Variants in KIAA1217 observed in about 807,000 individuals in gnomAD.
KIAA1217 encodes sickle tail protein homolog.
In KIAA1217, 88 loss-of-function variants were observed where a neutral mutation model predicts 163.9. The observed-to-expected ratio is 0.54, with a 90% CI of 0.45 to 0.64. The LOEUF (loss-of-function observed/expected upper bound fraction) is 0.64. Ranked by LOEUF, KIAA1217 falls within the 30% of genes least tolerant of loss-of-function variation. The probability of loss-of-function intolerance (pLI) is 0.00; values close to 1 mark genes in which losing one functional copy is unlikely to be tolerated. For synonymous variants in KIAA1217, 903 were observed against 923.1 expected (o/e 0.98, Z 0.39); for missense variants, 2,372 against 2,475.0 (o/e 0.96, Z 0.88).
intron 2 of KIAA1217, among the ~76,000 whole-genome samples, chr10:24,127,791 A>G (rs976587263): frequency 6.6e-6 from 1 of 152,234 alleles, no homozygotes; most frequent in African/African-American, 2.4e-5. Flanking sequence ...CGAATATTGT[A>G]TAACATGACA....
At chr10:23,724,009 G>A (rs746004379) in intron 1 of KIAA1217, among the ~76,000 whole-genome samples, 2 of 152,166 alleles carry the variant, frequency 1.3e-5, no homozygotes, top group Non-Finnish European at 2.9e-5. Context: ...CATGACAGGA[G>A]CAGAGACAAG....
At chr10:24,270,854 T>C (rs2076705338) in intron 2 of KIAA1217, among the ~76,000 whole-genome samples, 1 of 152,214 alleles carries the variant, frequency 6.6e-6, no homozygotes, top group Non-Finnish European at 1.5e-5. Flanking sequence ...GCCAGATTTC[T>C]TTCTTTTGAT....
At chr10:24,518,855 T>C (rs1367213911) in intron 10 of KIAA1217, among the ~76,000 whole-genome samples, 1 of 152,222 alleles carries the variant, frequency 6.6e-6, no homozygotes. Context: ...CCTCTGGTCC[T>C]GAAGTAGCAT....
chr10:24,257,861 C>T (rs907749107), intron 2 of KIAA1217, among the ~76,000 whole-genome samples: 3 of 152,140 alleles, frequency 2.0e-5, no homozygotes, highest in African/African-American at 7.2e-5. Context: ...CCTGATGCTT[C>T]CCCTAGGCCC....
At chr10:24,073,973 A>G (rs931222095) in intron 2 of KIAA1217, among the ~76,000 whole-genome samples, 1 of 152,156 alleles carries the variant, frequency 6.6e-6, no homozygotes, top group Non-Finnish European at 1.5e-5. Flanking sequence ...TACATTGTGT[A>G]CTGCAGTAGA....
At chr10:23,798,616 G>T (rs1490918287) in intron 1 of KIAA1217, among the ~76,000 whole-genome samples, 2 of 152,160 alleles carry the variant, frequency 1.3e-5, no homozygotes, top group Non-Finnish European at 2.9e-5. Context: ...TAGAGTGAGT[G>T]CAGAGCTCCA....
chr10:24,422,901 C>CTTTTTTTTTTTTTTTTTTT lies in KIAA1217; in HGVS notation c.554-10091_554-10073dup, dbSNP rs58161228. Among the ~76,000 whole-genome samples, 291 of 120,580 alleles carry CTTTTTTTTTTTTTTTTTTT rather than the reference C, an allele frequency of 2.4e-3. 11 individuals are homozygous for CTTTTTTTTTTTTTTTTTTT. The highest frequency in any genetic ancestry group is 4.8e-3 in the East Asian group (19 of 3,964). The allele number at this position is 120,580 out of a possible 152,430, so 79.1% of individuals were successfully genotyped here. ...CTCATATTACTTCCTATAGATTTAACTTTTTTTTTTTTTTTTTTTTTGAGA... is the reference window on the plus strand; with the variant it reads ...CTCATATTACTTCCTATAGATTTAACTTTTTTTTTTTTTTTTTTTTTTTTTTTTTTTTTTTTTTTTGAGA... On this transcript the variant is annotated intron_variant, in intron 3 of 20. Transcript: ENST00000376454.
At chr10:23,871,951 T>TA (rs1463236177) in intron 1 of KIAA1217, among the ~76,000 whole-genome samples, 3 of 152,110 alleles carry the variant, frequency 2.0e-5, no homozygotes, top group Non-Finnish European at 2.9e-5. Flanking sequence ...ATCGTGTCTC[T>TA]AAGCACTTGC....
intron 1 of KIAA1217, among the ~76,000 whole-genome samples, chr10:23,699,518 C>T (rs1337209767): frequency 6.6e-6 from 1 of 152,174 alleles, no homozygotes; most frequent in Non-Finnish European, 1.5e-5. Flanking sequence ...ATAAAGTGAG[C>T]ATGTGGACTC....
intron 2 of KIAA1217, among the ~76,000 whole-genome samples, chr10:24,315,786 T>G (rs2043275246): frequency 6.6e-6 from 1 of 151,918 alleles, no homozygotes; most frequent in Non-Finnish European, 1.5e-5. Context: ...ATGTGCAGAA[T>G]CCACTAATGG....
intron 3 of KIAA1217, among the ~76,000 whole-genome samples, chr10:24,423,084 A>G (rs1208593011): frequency 6.6e-6 from 1 of 150,784 alleles, no homozygotes; most frequent in Non-Finnish European, 1.5e-5. Context: ...TTGTTTTTGT[A>G]TTTTTAGTAG....
rs1245218503 is a variant in KIAA1217, at chr10:24,542,650, G to A, written c.3535-43G>A. The A allele has an allele frequency of 6.3e-6, 10 of 1,598,012 alleles. No individual in the cohort carries two copies. The South Asian group carries it at 6.6e-5, about 11-fold the overall frequency. ...TAGTTATAGTCCACTTTTTTGGGGGGATGTGGTTTTGTGGAGTAACATGTC... is the reference window on the plus strand; with the variant it reads ...TAGTTATAGTCCACTTTTTTGGGGGAATGTGGTTTTGTGGAGTAACATGTC... On this transcript the variant is annotated intron_variant, in intron 17 of 20. Coordinates refer to ENST00000376454, the MANE Select transcript of KIAA1217 (RefSeq NM_019590.5).
At chr10:24,098,722 A>AGTGTGTGTGTGTGT (rs1189629391) in intron 2 of KIAA1217, among the ~76,000 whole-genome samples, 2 of 111,234 alleles carry the variant, frequency 1.8e-5, no homozygotes, top group African/African-American at 1.1e-4. Flanking sequence ...TCTGAAGGGG[A>AGTGTGTGTGTGTGT]GCGTGTGTGT....
chr10:24,416,138 CAG>C (rs1302030573), intron 3 of KIAA1217, among the ~76,000 whole-genome samples: 2 of 152,168 alleles, frequency 1.3e-5, no homozygotes, highest in East Asian at 3.9e-4. Context: ...AGTAGTGAAC[CAG>C]AGACTGAACA....
At chr10:24,106,547 A>G (rs2062637304) in intron 2 of KIAA1217, among the ~76,000 whole-genome samples, 1 of 151,710 alleles carries the variant, frequency 6.6e-6, no homozygotes, top group Non-Finnish European at 1.5e-5. Flanking sequence ...CTAACTGCCT[A>G]AGTTGACTTC....
In KIAA1217 at chr10:24,544,423, C is replaced by G. The variant is rs746283524; in HGVS notation, c.5153C>G (p.Pro1718Arg). 1 of 1,614,056 alleles carries G rather than the reference C, an allele frequency of 6.2e-7. No individual in the cohort carries two copies. The highest frequency in any genetic ancestry group is 1.1e-5 in the South Asian group (1 of 91,072). Residue 1718 changes from proline (P) to arginine (R), a missense_variant, in exon 19 of 21, where the codon CCG becomes CGG. This residue lies in a region of KIAA1217 where 690 missense variants were observed against 677.5 expected (regional missense o/e 1.02). Transcript: ENST00000376454. Reference sequence around the variant, plus strand: ...GCCTCTCCCCGACCCTTGCTAGTTCCGGATGAAGGTCCCACTGCCCTAGAG... The same window carrying G: ...GCCTCTCCCCGACCCTTGCTAGTTCGGGATGAAGGTCCCACTGCCCTAGAG... ...QEASPRPLLV[P>R]DEGPTALEPP...
intron 1 of KIAA1217, among the ~76,000 whole-genome samples, chr10:23,772,314 C>A (rs2130882944): frequency 6.6e-6 from 1 of 152,182 alleles, no homozygotes; most frequent in South Asian, 2.1e-4. Context: ...GTTTTAATGA[C>A]CTGTTGTGCT....
intron 2 of KIAA1217, among the ~76,000 whole-genome samples, chr10:24,360,511 A>G (rs568631012): frequency 6.6e-6 from 1 of 152,346 alleles, no homozygotes; most frequent in Non-Finnish European, 1.5e-5. Flanking sequence ...GCAAGCAGTC[A>G]GCCCATTACA....
intron 1 of KIAA1217, among the ~76,000 whole-genome samples, chr10:23,797,393 C>T (rs1446381044): frequency 3.9e-5 from 6 of 152,144 alleles, no homozygotes; most frequent in Admixed American, 6.5e-5. Context: ...AAACAACTTG[C>T]TCAAGGCCAC....
Sources: allele counts gnomAD v4.1 joint callset (sites outside exome capture counted in the v4.1 genomes callset), GRCh38; gene constraint gnomAD v4.1.1; regional missense constraint gnomAD v4.1.1; transcripts MANE v1.5; gene names NCBI Gene and HGNC (gene_info 2026-07-23, HGNC 2026-07-21).